MUSK: variants seen among roughly 807,000 people sequenced by gnomAD.
The protein encoded by MUSK is muscle associated receptor tyrosine kinase.
MUSK carries 55 observed loss-of-function variants against 88.7 expected under a neutral mutation model. That is an observed-to-expected ratio of 0.62 (90% CI 0.50 to 0.78). MUSK has a LOEUF of 0.78. Among genes scored for constraint, MUSK ranks in the 30% least tolerant of loss-of-function variants. MUSK has a pLI of 0.00. For missense variants in MUSK, 1,015 were observed against 1,074.3 expected (o/e 0.94, Z 0.77); for synonymous variants, 387 against 391.9 (o/e 0.99, Z 0.15).
At chr9:110,674,389 T>C (rs946462216) in intron 1 of MUSK, among the ~76,000 whole-genome samples, 4 of 152,182 alleles carry the variant, frequency 2.6e-5, no homozygotes, top group Non-Finnish European at 5.9e-5. Context: ...TGATTGTATA[T>C]AACAATCACC....
intron 9 of MUSK, among the ~76,000 whole-genome samples, chr9:110,772,033 T>C (rs1291110300): frequency 1.3e-5 from 2 of 151,340 alleles, no homozygotes; most frequent in Non-Finnish European, 2.9e-5. Context: ...CAGTATTCTA[T>C]TAGATTTTTG....
At chr9:110,689,718 T>TAA (rs370720549) in intron 3 of MUSK, among the ~76,000 whole-genome samples, 3 of 51,658 alleles carry the variant, frequency 5.8e-5, no homozygotes, top group African/African-American at 4.0e-4. Flanking sequence ...TAACTATATA[T>TAA]GTTATATATA....
intron 14 of MUSK, among the ~76,000 whole-genome samples, chr9:110,791,221 T>C (rs2077969868): frequency 6.8e-6 from 1 of 146,396 alleles, no homozygotes; most frequent in African/African-American, 2.5e-5. Flanking sequence ...CACTAGGGAG[T>C]GCCAGACAGT....
chr9:110,670,977 T>C (rs901295733), intron 1 of MUSK, among the ~76,000 whole-genome samples: 25 of 145,494 alleles, frequency 1.7e-4, no homozygotes, highest in South Asian at 6.2e-4. Flanking sequence ...TTTTCATTAT[T>C]ATTATTATTA....
Position 110,670,795 on chromosome 9 carries a change from G to A in MUSK, c.79+1812G>A, listed in dbSNP as rs540545809. On this transcript the variant is annotated intron_variant, in intron 1 of 14. Coordinates refer to ENST00000374448, the MANE Select transcript of MUSK (RefSeq NM_005592.4). ...TGTACTGTAAAATCTAAATTAGTATGAGTTTAACATCACTCTTAGCCAAAA... is the reference window on the plus strand; with the variant it reads ...TGTACTGTAAAATCTAAATTAGTATAAGTTTAACATCACTCTTAGCCAAAA... Among the ~76,000 whole-genome samples, 13 of 152,118 alleles carry A rather than the reference G, an allele frequency of 8.5e-5. No individual in the cohort carries two copies. The South Asian group carries it at 2.7e-3, about 32-fold the overall frequency.
chr9:110,689,192 ATATAT>A (rs2076245637), intron 3 of MUSK, among the ~76,000 whole-genome samples: 1 of 118,638 alleles, frequency 8.4e-6, no homozygotes, highest in Non-Finnish European at 1.6e-5. Flanking sequence ...TAAATATATC[ATATAT>A]ATATTCATAT....
At chr9:110,673,880 T>C (rs1260990930) in intron 1 of MUSK, among the ~76,000 whole-genome samples, 1 of 152,316 alleles carries the variant, frequency 6.6e-6, no homozygotes, top group Non-Finnish European at 1.5e-5. Context: ...TATTAACACA[T>C]TGGCATATTT....
chr9:110,785,960 C>T (rs1260479111), intron 13 of MUSK, among the ~76,000 whole-genome samples: 1 of 148,138 alleles, frequency 6.8e-6, no homozygotes, highest in Non-Finnish European at 1.5e-5. Context: ...AGTATTAATA[C>T]AATATTATAT....
intron 14 of MUSK, among the ~76,000 whole-genome samples, chr9:110,797,713 A>G (rs2132057425): frequency 6.6e-6 from 1 of 152,314 alleles, no homozygotes; most frequent in Non-Finnish European, 1.5e-5. Context: ...TCATTTATTC[A>G]TTCTTCATCA....
chr9:110,786,132 G>A (rs954938689), intron 13 of MUSK, among the ~76,000 whole-genome samples: 18 of 151,002 alleles, frequency 1.2e-4, no homozygotes, highest in Admixed American at 7.3e-4. Flanking sequence ...CCAACATGGC[G>A]AAACCCCGTC....
intron 12 of MUSK, 113 bp downstream of exon 12, chr9:110,785,129 C>T (rs2077832685): frequency 1.7e-5 from 16 of 921,500 alleles, no homozygotes; most frequent in Admixed American, 2.4e-5. Flanking sequence ...TAAATATATC[C>T]GTAGCCCTGC....
At chr9:110,781,471 A>C (rs375042374) in intron 11 of MUSK, among the ~76,000 whole-genome samples, 1 of 151,828 alleles carries the variant, frequency 6.6e-6, no homozygotes, top group Non-Finnish European at 1.5e-5. Context: ...AGAGATGGGG[A>C]TTCACCGTGT....
intron 14 of MUSK, 143 bp downstream of exon 14, chr9:110,787,981 G>T (rs1456217049): frequency 9.1e-6 from 8 of 879,436 alleles, no homozygotes; most frequent in Admixed American, 2.0e-5. Flanking sequence ...CTTCACCTTG[G>T]TCTATCCCAA....
At chr9:110,774,467 G>A (rs2077633818) in intron 9 of MUSK, among the ~76,000 whole-genome samples, 1 of 151,642 alleles carries the variant, frequency 6.6e-6, no homozygotes, top group African/African-American at 2.4e-5. Flanking sequence ...GTGTTCTTCT[G>A]TTTAGAATAA....
At position 110,695,499 on chromosome 9, in the gene MUSK, T is replaced by A; in HGVS notation, c.455T>A (p.Val152Glu). 1 of 1,567,394 alleles carries A rather than the reference T, an allele frequency of 6.4e-7. No homozygotes were observed. The highest frequency in any genetic ancestry group is 8.7e-7 in the Non-Finnish European group (1 of 1,153,228). ...CTTMGNPKPS[V>E]SWIKGDSPLR... ...ACAATGGGTAATCCCAAACCATCAG[T>A]GTCTTGGATAAAGGGAGACAGCCCT... Residue 152 changes from valine (V) to glutamate (E), a missense_variant, in exon 4 of 15, where the codon GTG (valine) becomes GAG (glutamate). By Grantham distance (121) the Val-to-Glu change is moderately radical. Transcript: ENST00000374448.
intron 5 of MUSK, among the ~76,000 whole-genome samples, chr9:110,701,452 C>T (rs1014917148): frequency 6.6e-6 from 1 of 151,964 alleles, no homozygotes; most frequent in African/African-American, 2.4e-5. Flanking sequence ...CCTATAATTT[C>T]TCTTTCTTTT....
At chr9:110,694,011 T>G (rs967242739) in intron 3 of MUSK, among the ~76,000 whole-genome samples, 9 of 152,032 alleles carry the variant, frequency 5.9e-5, no homozygotes, top group Admixed American at 5.2e-4. Context: ...GTTGTTATTT[T>G]CCTATATTTT....
chr9:110,766,408 CA>C (rs1303402489), intron 8 of MUSK, among the ~76,000 whole-genome samples: 1 of 152,130 alleles, frequency 6.6e-6, no homozygotes, highest in African/African-American at 2.4e-5. Flanking sequence ...CTTTCTTATT[CA>C]AGGCCTTCAT....
intron 12 of MUSK, 119 bp downstream of exon 12, chr9:110,785,135 C>G: frequency 1.1e-6 from 1 of 919,634 alleles, no homozygotes; most frequent in Non-Finnish European, 1.6e-6. Context: ...TATCCGTAGC[C>G]CTGCTTTAAA....
Sources: gnomAD v4.1 joint callset for allele counts (sites outside exome capture counted in the v4.1 genomes callset) on GRCh38, gnomAD v4.1.1 for gene constraint, MANE v1.5 for transcripts, NCBI Gene and HGNC (gene_info 2026-07-23, HGNC 2026-07-21) for gene names.